Variants in TACR3 observed in about 807,000 individuals in gnomAD.
TACR3 encodes neuromedin-K receptor.
A neutral mutation model predicts 35.0 loss-of-function variants in TACR3; 34 were observed. That is an observed-to-expected ratio of 0.97 (90% CI 0.74 to 1.30). The LOEUF (loss-of-function observed/expected upper bound fraction) is 1.30. Ranked by LOEUF, TACR3 falls within the 50% of genes most tolerant of loss-of-function variation. TACR3 has a pLI of 0.00. For synonymous variants in TACR3, 233 were observed against 221.1 expected, an observed-to-expected ratio of 1.05 and a Z score of -0.48; for missense variants, 558 against 591.7, an observed-to-expected ratio of 0.94 and a Z score of 0.59.
rs558486138 is a variant in TACR3, at chr4:103,628,331, C to G, written c.888+27863G>C. 7.4e-4 allele frequency among the ~76,000 whole-genome samples: 112 copies of G among 152,158 alleles called. 1 individual carries two copies. In the South Asian group the frequency reaches 0.023, roughly 31 times the overall value. On this transcript the variant is annotated intron_variant, in intron 3 of 4. Transcript: ENST00000304883. ...TGAAGGAGATAGAGACACAAAAAAC[C>G]CTTCAAAAAATCAATGAATCCAGGA...
At chr4:103,617,915 G>A (rs182497355) in intron 3 of TACR3, among the ~76,000 whole-genome samples, 1 of 152,206 alleles carries the variant, frequency 6.6e-6, no homozygotes, top group East Asian at 1.9e-4. Context: ...CTGGGGGAAG[G>A]TAATTAGGAG....
intron 3 of TACR3, among the ~76,000 whole-genome samples, chr4:103,633,122 A>G (rs1725104898): frequency 6.6e-6 from 1 of 152,100 alleles, no homozygotes; most frequent in African/African-American, 2.4e-5. Context: ...GTTCCAAACT[A>G]GATTCCTCTG....
intron 1 of TACR3, among the ~76,000 whole-genome samples, chr4:103,713,814 G>A (rs1418979016): frequency 2.0e-5 from 3 of 152,078 alleles, no homozygotes; most frequent in African/African-American, 7.2e-5. Flanking sequence ...TATAGGCAGA[G>A]ATTCAGAAAT....
At chr4:103,613,889 AAG>A (rs752264415) in intron 3 of TACR3, among the ~76,000 whole-genome samples, 1 of 151,998 alleles carries the variant, frequency 6.6e-6, no homozygotes, top group Non-Finnish European at 1.5e-5. Flanking sequence ...GAAGGGGAGA[AAG>A]AGAGAGAAAG....
intron 4 of TACR3, 131 bp from the exon 5 acceptor site, chr4:103,590,125 T>C: frequency 9.5e-7 from 1 of 1,047,272 alleles, no homozygotes; most frequent in Non-Finnish European, 1.4e-6. Context: ...AGCCAGACTC[T>C]TAGAATTTAT....
chr4:103,635,067 G>A (rs1019587641), intron 3 of TACR3, among the ~76,000 whole-genome samples: 1 of 151,694 alleles, frequency 6.6e-6, no homozygotes, highest in African/African-American at 2.4e-5. Flanking sequence ...TGATGTGCTG[G>A]GTCTGCGCAT....
At chr4:103,676,404 C>A (rs1465553945) in intron 1 of TACR3, among the ~76,000 whole-genome samples, 1 of 152,064 alleles carries the variant, frequency 6.6e-6, no homozygotes, top group East Asian at 1.9e-4. Context: ...ATGTCAGATG[C>A]AGTAGACAGT....
chr4:103,718,355 A>G (rs956467285), intron 1 of TACR3, among the ~76,000 whole-genome samples: 6 of 152,268 alleles, frequency 3.9e-5, no homozygotes, highest in African/African-American at 1.4e-4. Flanking sequence ...CCAGCCTTCA[A>G]TAACAGGTAG....
chr4:103,702,808 A>G (rs953971918), intron 1 of TACR3, among the ~76,000 whole-genome samples: 1 of 150,070 alleles, frequency 6.7e-6, no homozygotes, highest in Non-Finnish European at 1.5e-5. Flanking sequence ...AGGACAAAAA[A>G]CCAAACATCA....
rs1290015349 is a variant in TACR3 at position 103,586,173 on chromosome 4, A to T, written c.*3509T>A. The stretch of plus-strand genomic sequence containing the variant: ...ACTTGAAAATACTTTATTCACTACA[A>T]ACTTTATATACATTTACTTCTTATA... On this transcript the variant is annotated 3_prime_UTR_variant, in exon 5 of 5. Coordinates refer to ENST00000304883, the MANE Select transcript of TACR3 (RefSeq NM_001059.3). 6.6e-6 allele frequency: 1 copy of T among 151,860 alleles called. No homozygotes were observed. The highest frequency in any genetic ancestry group is 1.5e-5 in the Non-Finnish European group (1 of 67,948). The allele number at this position is 151,860 out of a possible 1,614,324, so 9.4% of individuals were successfully genotyped here. A position where few individuals can be genotyped will look rare whatever the true frequency, so the allele number is the denominator to read the frequency against.
In TACR3 at chr4:103,589,050, A is replaced by G. The variant is rs1258545960; in HGVS notation, c.*632T>C. 1 of 152,150 alleles carries G rather than the reference A, an allele frequency of 6.6e-6. No homozygotes were observed. Among genetic ancestry groups the G allele is most frequent in the Non-Finnish European group, 1.5e-5 (1 of 68,012 alleles). 9.4% of individuals were successfully genotyped at this position (152,150 alleles called of 1,614,324 possible). ...AAAAAATCAAGAGAATGAAATATAC[A>G]TTTGCCTAATGATTTAACTAGATTT... On this transcript the variant is annotated 3_prime_UTR_variant, in exon 5 of 5. Transcript: ENST00000304883.
chr4:103,677,600 C>T (rs1578253670), intron 1 of TACR3, among the ~76,000 whole-genome samples: 1 of 152,106 alleles, frequency 6.6e-6, no homozygotes, highest in South Asian at 2.1e-4. Flanking sequence ...CAAACTAATG[C>T]AGGAACAGAA....
chr4:103,690,739 T>A (rs780449010), intron 1 of TACR3, among the ~76,000 whole-genome samples: 1 of 152,078 alleles, frequency 6.6e-6, no homozygotes, highest in Non-Finnish European at 1.5e-5. Flanking sequence ...AAAATAAGTA[T>A]CAACATTTTT....
In TACR3 at chr4:103,588,005, T is replaced by A. The variant is rs1723809001; in HGVS notation, c.*1677A>T. 1 of 151,956 alleles carries A rather than the reference T, an allele frequency of 6.6e-6. No individual in the cohort carries two copies. The highest frequency in any genetic ancestry group is 2.1e-4 in the South Asian group (1 of 4,824). The allele number at this position is 151,956 out of a possible 1,614,324, so 9.4% of individuals were successfully genotyped here. On this transcript the variant is annotated 3_prime_UTR_variant, in exon 5 of 5. Coordinates refer to ENST00000304883, the MANE Select transcript of TACR3 (RefSeq NM_001059.3). ...GTGTGTGTGTGTGTGTGTGTGTCTC[T>A]TTGTTTATTGGTATCATCAGAAGAA...
At chr4:103,590,048 C>T in intron 4 of TACR3, 54 bp from the exon 5 acceptor site, 2 of 1,563,208 alleles carry the variant, frequency 1.3e-6, no homozygotes, top group Non-Finnish European at 1.7e-6. Context: ...GCAGATATGT[C>T]TTTCAGCTGC....
intron 1 of TACR3, among the ~76,000 whole-genome samples, chr4:103,669,234 T>C (rs911012864): frequency 2.0e-5 from 3 of 152,170 alleles, no homozygotes; most frequent in African/African-American, 7.2e-5. Context: ...ACCAATCTAA[T>C]ATACCACATT....
chr4:103,668,854 A>AC (rs1349913000), intron 1 of TACR3, among the ~76,000 whole-genome samples: 1 of 151,628 alleles, frequency 6.6e-6, no homozygotes, highest in Non-Finnish European at 1.5e-5. Context: ...GTCTCAAAAA[A>AC]AAAAAAAAAG....
At chr4:103,638,821 C>CA (rs1216707655) in intron 3 of TACR3, among the ~76,000 whole-genome samples, 22 of 152,038 alleles carry the variant, frequency 1.4e-4, no homozygotes, top group African/African-American at 5.1e-4. Context: ...TTTATGCAGC[C>CA]AAAAAACACA....
At chr4:103,695,711 C>CTGTGTGTG (rs10603685) in intron 1 of TACR3, among the ~76,000 whole-genome samples, 4,136 of 146,150 alleles carry the variant, frequency 0.028, 172 homozygotes, top group African/African-American at 0.097. Context: ...GTCTCTCTCT[C>CTGTGTGTG]TGTGTGTGTG....
Sources: allele counts gnomAD v4.1 joint callset (sites outside exome capture counted in the v4.1 genomes callset), GRCh38; gene constraint gnomAD v4.1.1; transcripts MANE v1.5; gene names NCBI Gene and HGNC (gene_info 2026-07-23, HGNC 2026-07-21).